VPS13B: variants seen among roughly 807,000 people sequenced by gnomAD.
VPS13B encodes the protein vacuolar protein sorting 13 homolog B, also known as intermembrane lipid transfer protein VPS13B.
VPS13B carries 285 observed loss-of-function variants against 426.4 expected under a neutral mutation model. That is an observed-to-expected ratio of 0.67 (90% CI 0.61 to 0.74). The LOEUF is 0.74. Among genes scored for constraint, VPS13B ranks in the 30% least tolerant of loss-of-function variants. The probability of loss-of-function intolerance (pLI) is 0.00; values close to 1 mark genes in which losing one functional copy is unlikely to be tolerated. For synonymous variants in VPS13B, 1,676 were observed against 1,676.4 expected, an observed-to-expected ratio of 1.00 and a Z score of 0.01; for missense variants, 4,537 against 4,782.6, an observed-to-expected ratio of 0.95 and a Z score of 1.51.
At chr8:99,274,841 T>C (rs1818809196) in intron 18 of VPS13B, among the ~76,000 whole-genome samples, 2 of 152,140 alleles carry the variant, frequency 1.3e-5, no homozygotes, top group African/African-American at 4.8e-5. Flanking sequence ...GAAGACAGTG[T>C]GTTTAGTTGT....
intron 23 of VPS13B, among the ~76,000 whole-genome samples, chr8:99,447,488 A>C (rs944959129): frequency 1.3e-5 from 2 of 152,192 alleles, no homozygotes; most frequent in Non-Finnish European, 2.9e-5. Flanking sequence ...AGTTAGCTTC[A>C]GGCTTTATCT....
At chr8:99,313,049 T>A (rs372003750) in intron 19 of VPS13B, among the ~76,000 whole-genome samples, 1 of 152,158 alleles carries the variant, frequency 6.6e-6, no homozygotes, top group Non-Finnish European at 1.5e-5. Context: ...CTGCATTGGT[T>A]ATTCTAGTTA....
chr8:99,090,349 C>T (rs1846075503), intron 3 of VPS13B, among the ~76,000 whole-genome samples: 1 of 151,214 alleles, frequency 6.6e-6, no homozygotes, highest in African/African-American at 2.4e-5. Context: ...CTCACTGCAA[C>T]CTCTACTTCC....
At chr8:99,540,056 TATATATA>T (rs1286547794) in intron 30 of VPS13B, among the ~76,000 whole-genome samples, 35 of 5,598 alleles carry the variant, frequency 6.3e-3, no homozygotes, top group African/African-American at 7.6e-3. Flanking sequence ...TATATATATA[TATATATA>T]TTTTTTTTTT....
chr8:99,812,862 A>G (rs1813793584), intron 44 of VPS13B, among the ~76,000 whole-genome samples: 1 of 152,156 alleles, frequency 6.6e-6, no homozygotes, highest in African/African-American at 2.4e-5. Flanking sequence ...CTGATCTAAT[A>G]AGAGTTCTGA....
At chr8:99,135,756 C>T (rs778848910) in intron 11 of VPS13B, 23 bp downstream of exon 11, 2 of 1,612,342 alleles carry the variant, frequency 1.2e-6, no homozygotes, top group Non-Finnish European at 1.7e-6. Flanking sequence ...ATATTTGAAC[C>T]AAATTCTAGG....
chr8:99,790,731 T>G (rs1000750887), intron 43 of VPS13B, among the ~76,000 whole-genome samples: 1 of 152,160 alleles, frequency 6.6e-6, no homozygotes, highest in African/African-American at 2.4e-5. Context: ...AAGGGATATT[T>G]GTATTACACG....
chr8:99,520,801 T>C, intron 29 of VPS13B, 98 bp from the exon 30 acceptor site: 1 of 904,000 alleles, frequency 1.1e-6, no homozygotes, highest in Non-Finnish European at 1.8e-6. Context: ...GGTCTTATCT[T>C]AATGTGTCTC....
intron 17 of VPS13B, among the ~76,000 whole-genome samples, chr8:99,240,016 TAAGAGG>T (rs1816837746): frequency 6.6e-6 from 1 of 152,116 alleles, no homozygotes; most frequent in Admixed American, 6.5e-5. Flanking sequence ...GCATTCCAGA[TAAGAGG>T]AAGTGTGAAC....
intron 19 of VPS13B, among the ~76,000 whole-genome samples, chr8:99,310,818 T>C (rs1290667552): frequency 6.6e-6 from 1 of 151,620 alleles, no homozygotes; most frequent in Non-Finnish European, 1.5e-5. Flanking sequence ...ATTTGGTTGG[T>C]AGGCTATTAA....
intron 19 of VPS13B, chr8:99,346,783 G>C (rs1374662925): frequency 1.3e-5 from 2 of 152,790 alleles, no homozygotes; most frequent in Non-Finnish European, 2.9e-5. Context: ...ACTCTGCTTA[G>C]GGAAGCTCAT....
At chr8:99,265,421 T>A (rs1818245595) in intron 17 of VPS13B, among the ~76,000 whole-genome samples, 1 of 152,218 alleles carries the variant, frequency 6.6e-6, no homozygotes, top group Non-Finnish European at 1.5e-5. Context: ...TCTTGAGGTT[T>A]CTAAGCCTGG....
intron 17 of VPS13B, among the ~76,000 whole-genome samples, chr8:99,238,651 A>G (rs1816761353): frequency 6.6e-6 from 1 of 152,196 alleles, no homozygotes; most frequent in Admixed American, 6.5e-5. Flanking sequence ...TGGCTAGTTT[A>G]TCTTATTTTA....
At chr8:99,195,934 A>G (rs1392183179) in intron 17 of VPS13B, among the ~76,000 whole-genome samples, 2 of 152,206 alleles carry the variant, frequency 1.3e-5, no homozygotes, top group African/African-American at 4.8e-5. Flanking sequence ...TCTTCATGCC[A>G]GTACCATGCT....
chr8:99,201,377 A>C lies in VPS13B; in HGVS notation c.2515+8320A>C, dbSNP rs553162310. Among the ~76,000 whole-genome samples the C allele has an allele frequency of 1.3e-3, 201 of 152,276 alleles. 1 individual carries two copies. The highest frequency in any genetic ancestry group is 2.3e-3 in the Non-Finnish European group (157 of 67,976). ...AGAATTTGAAAAGACTAGAATAGAA[A>C]CTTTGTGCCTCAGTCTTCTCATTCT... On this transcript the variant is annotated intron_variant, in intron 17 of 61. Coordinates refer to ENST00000357162, the MANE Select transcript of VPS13B (RefSeq NM_152564.5).
At chr8:99,244,914 G>A (rs1817132724) in intron 17 of VPS13B, among the ~76,000 whole-genome samples, 1 of 152,168 alleles carries the variant, frequency 6.6e-6, no homozygotes, top group Non-Finnish European at 1.5e-5. Flanking sequence ...GTGGTGCATG[G>A]ATGCATGTAT....
intron 31 of VPS13B, among the ~76,000 whole-genome samples, chr8:99,573,557 A>C (rs956740567): frequency 2.0e-5 from 3 of 152,210 alleles, no homozygotes; most frequent in African/African-American, 7.2e-5. Context: ...TAAAAAGGGA[A>C]TACTTTCCCC....
At chr8:99,804,886 T>A (rs1246463900) in intron 43 of VPS13B, among the ~76,000 whole-genome samples, 6 of 152,000 alleles carry the variant, frequency 3.9e-5, no homozygotes, top group Non-Finnish European at 8.8e-5. Flanking sequence ...TAGTCCTAGC[T>A]ACTCGGGAGG....
At position 99,835,612 on chromosome 8, in the gene VPS13B, G is replaced by C; in HGVS notation, c.9816G>C (p.Gln3272His). ...CAATTCATCATGAGCTGTATCATCAGATTTCCAGTTATCCGGACTGCAAGA... is the reference window on the plus strand; with the variant it reads ...CAATTCATCATGAGCTGTATCATCACATTTCCAGTTATCCGGACTGCAAGA... ...ECSIHHELYH[Q>H]ISSYPDCKTK... Residue 3272 changes from glutamine to histidine, a missense_variant, in exon 54 of 62, where the codon CAG becomes CAC. By Grantham distance (24) the Gln-to-His change is conservative. Coordinates refer to ENST00000357162, the MANE Select transcript of VPS13B (RefSeq NM_152564.5). 6.2e-7 allele frequency: 1 copy of C among 1,614,104 alleles called. No individual in the cohort carries two copies. The highest frequency in any genetic ancestry group is 8.5e-7 in the Non-Finnish European group (1 of 1,180,024).
Sources: allele counts gnomAD v4.1 joint callset (sites outside exome capture counted in the v4.1 genomes callset), GRCh38; gene constraint gnomAD v4.1.1; transcripts MANE v1.5; gene names NCBI Gene and HGNC (gene_info 2026-07-23, HGNC 2026-07-21).